Variants in TUBB8B observed in about 807,000 individuals in gnomAD.
The protein encoded by TUBB8B is tubulin beta 8B.
In TUBB8B, 26 loss-of-function variants were observed where a neutral mutation model predicts 31.9. The observed-to-expected ratio is 0.81, with a 90% CI of 0.60 to 1.13. TUBB8B has a LOEUF of 1.13. Among genes scored for constraint, TUBB8B ranks in the 50% most tolerant of loss-of-function variants. The probability of loss-of-function intolerance (pLI) is 0.00; values close to 1 mark genes in which losing one functional copy is unlikely to be tolerated. For missense variants in TUBB8B, 467 were observed against 586.7 expected (o/e 0.80, Z 2.11); for synonymous variants, 173 against 231.0 (o/e 0.75, Z 2.28).
chr18:56,380 G>C, the TUBB8B span, among the ~76,000 whole-genome samples: 3 of 151,710 alleles, frequency 2.0e-5, no homozygotes, highest in Non-Finnish European at 4.4e-5. Flanking sequence ...TTTTGATAGA[G>C]ATGGCATGAA....
chr18:71,994 T>C, the TUBB8B span, among the ~76,000 whole-genome samples: 3 of 151,964 alleles, frequency 2.0e-5, no homozygotes, highest in South Asian at 6.2e-4. Context: ...CTGGCCAAAT[T>C]GGTGAAACCC....
chr18:57,049 G>A, the TUBB8B span, among the ~76,000 whole-genome samples: 639 of 151,828 alleles, frequency 4.2e-3, 10 homozygotes, highest in African/African-American at 0.015. Flanking sequence ...ATCATCTCCC[G>A]ACTAGGCCCA....
chr18:70,572 T>C, the TUBB8B span, among the ~76,000 whole-genome samples: 2 of 151,930 alleles, frequency 1.3e-5, no homozygotes, highest in Non-Finnish European at 2.9e-5. Flanking sequence ...GAAGGGGAGG[T>C]TGCAGTGAGC....
upstream of TUBB8B, chr18:49,898 C>T (rs1411218112): frequency 1.2e-5 from 6 of 507,218 alleles, no homozygotes; most frequent in Admixed American, 6.8e-5. Flanking sequence ...GAGGGGAAGA[C>T]GCTTGTTTCC....
At chr18:61,342 T>C in the TUBB8B span, among the ~76,000 whole-genome samples, 2 of 151,670 alleles carry the variant, frequency 1.3e-5, no homozygotes, top group African/African-American at 4.8e-5. Context: ...AATGTATCTT[T>C]ACAGGTAGAG....
chr18:73,049 C>G, the TUBB8B span, among the ~76,000 whole-genome samples: 2 of 152,080 alleles, frequency 1.3e-5, no homozygotes, highest in Non-Finnish European at 2.9e-5. Flanking sequence ...CCTGCCAGTC[C>G]CCAACATCCC....
chr18:58,311 T>A, the TUBB8B span, among the ~76,000 whole-genome samples: 2 of 151,402 alleles, frequency 1.3e-5, no homozygotes, highest in Admixed American at 1.3e-4. Context: ...CAAGTAAAAA[T>A]AGATTACAAC....
the TUBB8B span, among the ~76,000 whole-genome samples, chr18:70,462 A>C: frequency 6.6e-6 from 1 of 151,298 alleles, no homozygotes; most frequent in African/African-American, 2.4e-5. Context: ...GTGAAACCCC[A>C]CCTCTACTAA....
chr18:56,082 C>A, the TUBB8B span, among the ~76,000 whole-genome samples: 1 of 151,772 alleles, frequency 6.6e-6, no homozygotes, highest in African/African-American at 2.4e-5. Context: ...CTATTTATTA[C>A]AGAAACTGTC....
the TUBB8B span, among the ~76,000 whole-genome samples, chr18:72,196 A>AAAAAAAAAAAAAAAAAAAAAAAC: frequency 5.0e-3 from 421 of 84,364 alleles, 64 homozygotes; most frequent in East Asian, 0.069. Flanking sequence ...AAAAAAAAAA[A>AAAAAAAAAAAAAAAAAAAAAAAC]AAAGGAAAAA....
upstream of TUBB8B, among the ~76,000 whole-genome samples, chr18:50,733 T>C (rs1436161393): frequency 6.6e-6 from 1 of 151,916 alleles, no homozygotes; most frequent in African/African-American, 2.4e-5. Flanking sequence ...CTTCAGGGTA[T>C]TCCGGCCCAG....
chr18:72,196 A>AAAAAAAAAAAAAAAAAAAAAAC, the TUBB8B span, among the ~76,000 whole-genome samples: 580 of 84,266 alleles, frequency 6.9e-3, 76 homozygotes, highest in East Asian at 0.065. Context: ...AAAAAAAAAA[A>AAAAAAAAAAAAAAAAAAAAAAC]AAAGGAAAAA....
the TUBB8B span, among the ~76,000 whole-genome samples, chr18:61,908 T>G: frequency 2.6e-5 from 4 of 151,928 alleles, no homozygotes; most frequent in African/African-American, 7.2e-5. Context: ...ATATTCTGTG[T>G]TTTTCCATGT....
the TUBB8B span, among the ~76,000 whole-genome samples, chr18:63,072 C>A: frequency 6.6e-6 from 1 of 151,816 alleles, no homozygotes; most frequent in African/African-American, 2.4e-5. Context: ...CCTCAACCAG[C>A]TATTTAGGAT....
the TUBB8B span, among the ~76,000 whole-genome samples, chr18:63,832 C>G: frequency 8.9e-5 from 13 of 146,106 alleles, no homozygotes; most frequent in South Asian, 1.3e-3. Flanking sequence ...ACCCTAACCC[C>G]AACCCTTAAC....
the TUBB8B span, among the ~76,000 whole-genome samples, chr18:58,485 C>A: frequency 6.6e-6 from 1 of 151,650 alleles, no homozygotes; most frequent in Non-Finnish European, 1.5e-5. Flanking sequence ...TTCAGCCAAC[C>A]ACTTTGCTAA....
At chr18:58,175 T>C in the TUBB8B span, among the ~76,000 whole-genome samples, 2 of 151,458 alleles carry the variant, frequency 1.3e-5, no homozygotes, top group Non-Finnish European at 3.0e-5. Flanking sequence ...TTTTAAGTTA[T>C]ACAAATATCT....
intron 3 of TUBB8B, 139 bp from the exon 4 acceptor site, chr18:48,586 T>TC (rs1905857192): frequency 1.4e-6 from 1 of 737,252 alleles, no homozygotes; most frequent in African/African-American, 1.7e-5. Context: ...TGAAACTCCC[T>TC]CCTCCAGAGT....
upstream of TUBB8B, among the ~76,000 whole-genome samples, chr18:50,839 T>C (rs1355348091): frequency 1.3e-5 from 2 of 152,074 alleles, no homozygotes; most frequent in Non-Finnish European, 2.9e-5. Flanking sequence ...TCCTTTTACA[T>C]GGTCAGTCTC....
Sources: allele counts gnomAD v4.1 joint callset (sites outside exome capture counted in the v4.1 genomes callset), GRCh38; gene constraint gnomAD v4.1.1; transcripts MANE v1.5; gene names NCBI Gene and HGNC (gene_info 2026-07-23, HGNC 2026-07-21).